The following COPG2 variants were observed in gnomAD, a reference collection of about 807,000 sequenced individuals.
COPG2 encodes the protein coat protein complex I subunit gamma 2.
Under a neutral mutation model 46.3 loss-of-function variants are expected in COPG2, and 37 were observed. The ratio of observed to expected loss-of-function variants is 0.80; its 90% confidence interval spans 0.61 to 1.05. The LOEUF is 1.05. Among genes scored for constraint, COPG2 ranks in the 50% least tolerant of loss-of-function variants. The pLI is 0.00. For synonymous variants in COPG2, 159 were observed against 129.7 expected, an observed-to-expected ratio of 1.23 and a Z score of -1.53; for missense variants, 427 against 387.8, an observed-to-expected ratio of 1.10 and a Z score of -0.85.
At chr7:130,611,418 G>A (rs1794847548) in intron 8 of COPG2, among the ~76,000 whole-genome samples, 1 of 152,148 alleles carries the variant, frequency 6.6e-6, no homozygotes, top group Admixed American at 6.5e-5. Flanking sequence ...CGGGTCCAGG[G>A]CTTTACTGGT....
intron 5 of COPG2, among the ~76,000 whole-genome samples, chr7:130,638,483 G>C (rs1305045204): frequency 6.6e-6 from 1 of 152,180 alleles, no homozygotes; most frequent in Non-Finnish European, 1.5e-5. Context: ...GCTGCAGTGG[G>C]TTCCGCCCAG....
At chr7:130,526,166 A>G (rs1297820232) in intron 20 of COPG2, among the ~76,000 whole-genome samples, 4 of 152,050 alleles carry the variant, frequency 2.6e-5, no homozygotes, top group Non-Finnish European at 5.9e-5. Flanking sequence ...GGAGTGTAAG[A>G]GGGGAAGGAA....
intron 5 of COPG2, among the ~76,000 whole-genome samples, chr7:130,620,889 C>T (rs535069501): frequency 1.3e-5 from 2 of 152,250 alleles, no homozygotes; most frequent in East Asian, 3.9e-4. Flanking sequence ...CTGTGGTAAG[C>T]TAAACAACAG....
intron 9 of COPG2, among the ~76,000 whole-genome samples, chr7:130,590,909 C>T (rs1471514720): frequency 6.6e-6 from 1 of 151,384 alleles, no homozygotes. Context: ...GCAACCGCCC[C>T]GTCTGAGAAG....
chr7:130,529,711 C>G (rs1465687857), intron 20 of COPG2, among the ~76,000 whole-genome samples: 4 of 152,170 alleles, frequency 2.6e-5, no homozygotes, highest in Non-Finnish European at 5.9e-5. Flanking sequence ...ACTAACATGG[C>G]ACCTGCATAA....
At chr7:130,648,419 T>C (rs1010195837) in intron 5 of COPG2, among the ~76,000 whole-genome samples, 2 of 152,166 alleles carry the variant, frequency 1.3e-5, no homozygotes, top group African/African-American at 4.8e-5. Context: ...CACTGCAGCA[T>C]CAATTCAAAG....
At chr7:130,597,610 A>C (rs145730193) in intron 9 of COPG2, among the ~76,000 whole-genome samples, 65 of 152,124 alleles carry the variant, frequency 4.3e-4, no homozygotes, top group African/African-American at 1.6e-3. Flanking sequence ...AGGCTTATCT[A>C]AGAAAAAAAA....
At chr7:130,613,732 ATTTG>A in intron 6 of COPG2, 96 bp from the exon 7 acceptor site, 1 of 797,270 alleles carries the variant, frequency 1.3e-6, no homozygotes, top group African/African-American at 1.7e-5. Context: ...CCAATCTTAT[ATTTG>A]TTTCTGTGCA....
intron 20 of COPG2, among the ~76,000 whole-genome samples, chr7:130,534,605 T>C (rs1282035094): frequency 6.6e-6 from 1 of 151,826 alleles, no homozygotes; most frequent in Non-Finnish European, 1.5e-5. Context: ...GTAAATCCAG[T>C]GGTAGTCAGG....
At chr7:130,525,652 G>C (rs967116962) in intron 20 of COPG2, among the ~76,000 whole-genome samples, 1 of 152,204 alleles carries the variant, frequency 6.6e-6, no homozygotes, top group Admixed American at 6.5e-5. Flanking sequence ...GCTTACAGCT[G>C]AAAGTATGTA....
intron 9 of COPG2, 164 bp downstream of exon 9, chr7:130,610,785 TAAAA>T (rs1563058616): frequency 1.4e-6 from 1 of 727,804 alleles, no homozygotes; most frequent in Non-Finnish European, 2.4e-6. Flanking sequence ...ACAGTAAGGT[TAAAA>T]AAAGTGTGAC....
chr7:130,646,053 A>G (rs1795588810), intron 5 of COPG2, among the ~76,000 whole-genome samples: 1 of 152,222 alleles, frequency 6.6e-6, no homozygotes, highest in South Asian at 2.1e-4. Flanking sequence ...TTCCTCAAGG[A>G]AATGTCTCAG....
intron 9 of COPG2, chr7:130,610,204 TC>T (rs1554451838): frequency 2.3e-6 from 1 of 438,150 alleles, no homozygotes; most frequent in East Asian, 6.3e-5. Flanking sequence ...AAAGTGCAGG[TC>T]CTTTTTCATT....
intron 9 of COPG2, among the ~76,000 whole-genome samples, chr7:130,577,460 C>T (rs1444956462): frequency 6.6e-6 from 1 of 152,180 alleles, no homozygotes; most frequent in Non-Finnish European, 1.5e-5. Context: ...GCTTTTCCGA[C>T]CGGCTTAAAA....
intron 4 of COPG2, among the ~76,000 whole-genome samples, chr7:130,659,394 T>C (rs1795929079): frequency 1.4e-5 from 2 of 137,984 alleles, no homozygotes; most frequent in Admixed American, 7.5e-5. Context: ...TATCTAGAAA[T>C]TCCACTTGTA....
intron 20 of COPG2, among the ~76,000 whole-genome samples, chr7:130,532,285 C>T (rs2116360366): frequency 6.6e-6 from 1 of 152,254 alleles, no homozygotes; most frequent in East Asian, 1.9e-4. Context: ...CTGGAGGACT[C>T]AGGTGGAGGA....
At chr7:130,530,784 C>T (rs1181025131) in intron 20 of COPG2, among the ~76,000 whole-genome samples, 2 of 151,676 alleles carry the variant, frequency 1.3e-5, no homozygotes, top group African/African-American at 4.8e-5. Context: ...TGGAGGGGCC[C>T]CCAGGGAAGG....
chr7:130,638,470 C>T (rs1321878078), intron 5 of COPG2, among the ~76,000 whole-genome samples: 4 of 152,120 alleles, frequency 2.6e-5, no homozygotes, highest in East Asian at 1.9e-4. Flanking sequence ...GAGGCTTTGC[C>T]GAGCTGCAGT....
At position 130,588,778 on chromosome 7, in the gene COPG2, C is replaced by T. The variant is rs1161474224; in HGVS notation, c.737+22175G>A. Among the ~76,000 whole-genome samples, 5 of 151,758 alleles carry T rather than the reference C, an allele frequency of 3.3e-5. No individual in the cohort carries two copies. The East Asian group carries it at 9.7e-4, about 29-fold the overall frequency. On this transcript the variant is annotated intron_variant, in intron 9 of 23. Coordinates refer to ENST00000425248, the MANE Select transcript of COPG2 (RefSeq NM_012133.6). ...AACCTGCACGTTGTGCACATGTACCCTAAAACTTAAAGTATAATAATAAAA... is the reference window on the plus strand; with the variant it reads ...AACCTGCACGTTGTGCACATGTACCTTAAAACTTAAAGTATAATAATAAAA...
Sources: allele counts gnomAD v4.1 joint callset (sites outside exome capture counted in the v4.1 genomes callset), GRCh38; gene constraint gnomAD v4.1.1; transcripts MANE v1.5; gene names NCBI Gene and HGNC (gene_info 2026-07-23, HGNC 2026-07-21).